Variants in RORB observed in about 807,000 individuals in gnomAD.
RORB encodes RAR related orphan receptor B.
In RORB, 6 loss-of-function variants were observed where a neutral mutation model predicts 59.1. The ratio of observed to expected loss-of-function variants is 0.10; its 90% CI spans 0.06 to 0.20. RORB has a LOEUF of 0.20. Ranked by LOEUF, RORB falls within the 10% of genes least tolerant of loss-of-function variation. The pLI, the probability that RORB is intolerant of heterozygous loss-of-function variation, is 1.00. For missense variants in RORB, 320 were observed against 560.5 expected (o/e 0.57, Z 4.33); for synonymous variants, 215 against 204.5 (o/e 1.05, Z -0.44).
chr9:74,551,026 T>A (rs995845892), intron 1 of RORB, among the ~76,000 whole-genome samples: 3 of 152,252 alleles, frequency 2.0e-5, no homozygotes, highest in Non-Finnish European at 4.4e-5. Flanking sequence ...TTACTTTTTT[T>A]AATGCAGCTA....
intron 2 of RORB, 116 bp from the exon 3 acceptor site, chr9:74,634,514 CT>C (rs1164081345): frequency 4.5e-6 from 4 of 891,800 alleles, no homozygotes; most frequent in Non-Finnish European, 4.8e-6. Context: ...ATCCAAAGAG[CT>C]TTAAAAATTA....
At chr9:74,563,416 C>T (rs1822427846) in intron 1 of RORB, among the ~76,000 whole-genome samples, 1 of 152,132 alleles carries the variant, frequency 6.6e-6, no homozygotes, top group South Asian at 2.1e-4. Flanking sequence ...AAACTCCTGA[C>T]CTTGTGATCC....
intron 1 of RORB, among the ~76,000 whole-genome samples, chr9:74,627,683 A>T (rs936843691): frequency 6.6e-6 from 1 of 152,180 alleles, no homozygotes; most frequent in Non-Finnish European, 1.5e-5. Flanking sequence ...TAATTTATGC[A>T]AAGAGAACCT....
intron 1 of RORB, among the ~76,000 whole-genome samples, chr9:74,514,121 C>T (rs951040401): frequency 3.4e-4 from 52 of 152,110 alleles, no homozygotes; most frequent in African/African-American, 1.3e-3. Flanking sequence ...CACGCACAAT[C>T]ATATCTGAGA....
chr9:74,581,214 A>G (rs2118257782), intron 1 of RORB, among the ~76,000 whole-genome samples: 1 of 152,318 alleles, frequency 6.6e-6, no homozygotes, highest in East Asian at 1.9e-4. Flanking sequence ...TAAGCCCCAG[A>G]GAAAAGTCTC....
intron 1 of RORB, among the ~76,000 whole-genome samples, chr9:74,536,399 A>C (rs961755384): frequency 6.6e-6 from 1 of 152,042 alleles, no homozygotes; most frequent in African/African-American, 2.4e-5. Context: ...GTATTTCTGC[A>C]GGATAATAGA....
intron 1 of RORB, among the ~76,000 whole-genome samples, chr9:74,624,628 G>A (rs961311212): frequency 6.6e-6 from 1 of 152,160 alleles, no homozygotes; most frequent in Non-Finnish European, 1.5e-5. Flanking sequence ...CTTTGGCTTT[G>A]TTATTAGGTG....
chr9:74,612,876 G>T (rs919600295), intron 1 of RORB, among the ~76,000 whole-genome samples: 2 of 152,124 alleles, frequency 1.3e-5, no homozygotes, highest in South Asian at 2.1e-4. Flanking sequence ...TTCTTAAATG[G>T]TTTTCTTACT....
At chr9:74,645,356 C>T (rs1316429785) in intron 4 of RORB, among the ~76,000 whole-genome samples, 1 of 152,150 alleles carries the variant, frequency 6.6e-6, no homozygotes, top group Non-Finnish European at 1.5e-5. Context: ...GACAGTATCA[C>T]TGGGCAGGAA....
chr9:74,652,033 T>A (rs1824001301), intron 4 of RORB, among the ~76,000 whole-genome samples: 1 of 152,214 alleles, frequency 6.6e-6, no homozygotes, highest in African/African-American at 2.4e-5. Context: ...CTGCTTGTAA[T>A]TTTTTCCCTG....
At chr9:74,664,650 G>A (rs1201968123) in intron 6 of RORB, among the ~76,000 whole-genome samples, 2 of 152,162 alleles carry the variant, frequency 1.3e-5, no homozygotes, top group African/African-American at 4.8e-5. Flanking sequence ...AAGCCTCTAT[G>A]CTAGGTGACG....
chr9:74,597,298 C>T (rs2118307701), intron 1 of RORB, among the ~76,000 whole-genome samples: 1 of 152,292 alleles, frequency 6.6e-6, no homozygotes, highest in South Asian at 2.1e-4. Context: ...TGAGTTTCTC[C>T]TTTAAGCCAA....
At chr9:74,546,208 G>A (rs982764596) in intron 1 of RORB, among the ~76,000 whole-genome samples, 6 of 152,224 alleles carry the variant, frequency 3.9e-5, no homozygotes, top group Admixed American at 3.3e-4. Flanking sequence ...AAGCTCGGAG[G>A]TTCCCGTGGG....
At chr9:74,589,300 T>C (rs991455566) in intron 1 of RORB, among the ~76,000 whole-genome samples, 21 of 152,180 alleles carry the variant, frequency 1.4e-4, no homozygotes, top group African/African-American at 3.9e-4. Flanking sequence ...AAACTTTAAG[T>C]GTGTTCCTGT....
chr9:74,672,314 G>T (rs1282024692), intron 9 of RORB, among the ~76,000 whole-genome samples: 2 of 152,218 alleles, frequency 1.3e-5, no homozygotes, highest in Non-Finnish European at 2.9e-5. Context: ...ACAATCAAAT[G>T]ATGAGAATTG....
At chr9:74,553,072 G>A (rs960606320) in intron 1 of RORB, among the ~76,000 whole-genome samples, 1 of 152,248 alleles carries the variant, frequency 6.6e-6, no homozygotes, top group East Asian at 1.9e-4. Flanking sequence ...TCGGAGAGGG[G>A]AAGGAGCCTT....
At chr9:74,592,364 C>A (rs1822911635) in intron 1 of RORB, among the ~76,000 whole-genome samples, 3 of 152,198 alleles carry the variant, frequency 2.0e-5, no homozygotes, top group Admixed American at 2.0e-4. Flanking sequence ...AGTGGGGAAG[C>A]ACTGCCCTGG....
rs939504514 is a variant in RORB at position 74,662,587 on chromosome 9, A to G, written c.873A>G (p.Gln291=). 5 of 1,613,860 alleles carry G rather than the reference A, an allele frequency of 3.1e-6. No homozygotes were observed. The highest frequency in any genetic ancestry group is 3.4e-6 in the Non-Finnish European group (4 of 1,180,010). Residue 291 remains glutamine (Q), a synonymous_variant, in exon 6 of 10, where the codon CAA becomes CAG. Coordinates refer to ENST00000376896, the MANE Select transcript of RORB (RefSeq NM_006914.4). ...TGFMELCQND[Q]ILLLKSGCLE... is the part of the protein sequence containing the mutation. The stretch of plus-strand genomic sequence containing the variant: ...TCATGGAGCTCTGTCAAAATGATCA[A>G]ATTCTACTTCTGAAGTCAGGTAAGC...
chr9:74,531,392 AG>A (rs1192121210), intron 1 of RORB, among the ~76,000 whole-genome samples: 2 of 152,016 alleles, frequency 1.3e-5, no homozygotes, highest in Non-Finnish European at 2.9e-5. Flanking sequence ...CAAAGTTTTC[AG>A]TTTTCTATGT....
Sources: allele counts gnomAD v4.1 joint callset (sites outside exome capture counted in the v4.1 genomes callset), GRCh38; gene constraint gnomAD v4.1.1; transcripts MANE v1.5; gene names NCBI Gene and HGNC (gene_info 2026-07-23, HGNC 2026-07-21).